C3orf70: variants seen among roughly 807,000 people sequenced by gnomAD.
C3orf70 encodes chromosome 3 open reading frame 70.
C3orf70 carries 15 observed loss-of-function variants against 20.7 expected under a neutral mutation model. The observed-to-expected ratio is 0.72, with a 90% confidence interval of 0.48 to 1.11. The LOEUF (loss-of-function observed/expected upper bound fraction) is 1.11. Ranked by LOEUF, C3orf70 falls within the 50% of genes most tolerant of loss-of-function variation. The pLI, the probability that C3orf70 is intolerant of heterozygous loss-of-function variation, is 0.00. For synonymous variants in C3orf70, 161 were observed against 125.7 expected, an observed-to-expected ratio of 1.28 and a Z score of -1.88; for missense variants, 332 against 317.6, an observed-to-expected ratio of 1.05 and a Z score of -0.34.
chr3:185,090,027 T>C (rs898703057), intron 1 of C3orf70, among the ~76,000 whole-genome samples: 2 of 152,234 alleles, frequency 1.3e-5, no homozygotes, highest in African/African-American at 4.8e-5. Context: ...GTTATTACAT[T>C]CTCAAACTCT....
At chr3:185,114,817 C>T (rs980397647) in intron 1 of C3orf70, among the ~76,000 whole-genome samples, 12 of 152,126 alleles carry the variant, frequency 7.9e-5, no homozygotes, top group Non-Finnish European at 1.5e-4. Context: ...GATCTCCAGA[C>T]GTAAGACTAT....
At chr3:185,121,305 C>T (rs1447842506) in intron 1 of C3orf70, among the ~76,000 whole-genome samples, 1 of 149,946 alleles carries the variant, frequency 6.7e-6, no homozygotes, top group African/African-American at 2.5e-5. Flanking sequence ...ACGGGTTCAC[C>T]AAAATCTCAC....
At position 185,152,753 on chromosome 3, in the gene C3orf70, A is replaced by G; in HGVS notation, c.71T>C (p.Leu24Pro). The G allele has an allele frequency of 6.3e-7, 1 of 1,594,298 alleles. No individual in the cohort carries two copies. The highest frequency in any genetic ancestry group is 2.4e-5 in the East Asian group (1 of 42,230). The change falls in exon 1 of 2, where the codon CTG (leucine) becomes CCG (proline). Residue 24 changes from leucine to proline, a missense_variant. Transcript: ENST00000335012. The part of the protein sequence containing the change: ...KSEKLDEAQA[L>P]ARSCAARRPD... ...TCTGCGGGCGGCGCAACTCCGCGCC[A>G]GGGCCTGAGCCTCATCTAGTTTCTC... is the stretch of plus-strand genomic sequence containing the variant.
intron 1 of C3orf70, among the ~76,000 whole-genome samples, chr3:185,123,993 G>A (rs762861384): frequency 1.3e-5 from 2 of 152,058 alleles, no homozygotes; most frequent in Admixed American, 6.6e-5. Flanking sequence ...GAAAATATTC[G>A]GGGAAAAACT....
rs779782133 is a variant in C3orf70, at chr3:185,152,615, C to T, written c.196+13G>A. On this transcript the variant is annotated intron_variant, in intron 1 of 1. Transcript: ENST00000335012. ...GACCGCGGCGGAAGGCGGGAAGACG[C>T]GGCTCGACTTACAGTGACACCATCC... The T allele has an allele frequency of 1.9e-6, 3 of 1,543,116 alleles. No homozygotes were observed. The Admixed American group carries it at 5.7e-5, about 29-fold the overall frequency.
At chr3:185,089,891 TA>T (rs1212470846) in intron 1 of C3orf70, among the ~76,000 whole-genome samples, 1 of 152,246 alleles carries the variant, frequency 6.6e-6, no homozygotes, top group African/African-American at 2.4e-5. Flanking sequence ...TTTTGATTCA[TA>T]ATATTTATGA....
chr3:185,116,840 G>A (rs868464793), intron 1 of C3orf70, among the ~76,000 whole-genome samples: 4 of 150,978 alleles, frequency 2.6e-5, no homozygotes, highest in Non-Finnish European at 5.9e-5. Context: ...GTGCAGTGGC[G>A]CAATCTCGGC....
At position 185,152,725 on chromosome 3, in the gene C3orf70, G is replaced by A. The variant is rs754554934; in HGVS notation, c.99C>T (p.Pro33=). Residue 33 remains proline, a synonymous_variant, in exon 1 of 2, where the codon CCC becomes CCT. Transcript: ENST00000335012. ...ALARSCAARR[P]DFQPCDGLSI... is the part of the protein sequence containing the mutation. The stretch of plus-strand genomic sequence containing the variant: ...ACAGCCCGTCGCACGGCTGGAAGTC[G>A]GGTCTGCGGGCGGCGCAACTCCGCG... 6.3e-7 allele frequency: 1 copy of A among 1,593,508 alleles called. No individual in the cohort carries two copies. Among genetic ancestry groups the A allele is most frequent in the Non-Finnish European group, 8.5e-7 (1 of 1,170,694 alleles).
chr3:185,097,236 T>C (rs184994838), intron 1 of C3orf70, among the ~76,000 whole-genome samples: 4 of 152,330 alleles, frequency 2.6e-5, no homozygotes, highest in Admixed American at 2.6e-4. Flanking sequence ...ACTAATAAGA[T>C]AATAAATGTC....
At chr3:185,096,913 G>A (rs926350259) in intron 1 of C3orf70, among the ~76,000 whole-genome samples, 6 of 152,138 alleles carry the variant, frequency 3.9e-5, no homozygotes, top group Non-Finnish European at 5.9e-5. Flanking sequence ...GTACAACCTG[G>A]GGAAGCAGTG....
intron 1 of C3orf70, among the ~76,000 whole-genome samples, chr3:185,112,900 C>T (rs16859622): frequency 0.18 from 28,118 of 152,062 alleles, 2,988 homozygotes; most frequent in East Asian, 0.42. Flanking sequence ...CCACCAAACT[C>T]TCAGTATACA....
rs1577324401 is a variant in C3orf70, at chr3:185,107,854, T to C, written c.197-24291A>G. On this transcript the variant is annotated intron_variant, in intron 1 of 1. Transcript: ENST00000335012. Reference sequence around the variant, plus strand: ...CTTTAATAGTCATAGACTCTAGATTTGCTAATTTTTTCAACTCAGCATTCA... The same window carrying C: ...CTTTAATAGTCATAGACTCTAGATTCGCTAATTTTTTCAACTCAGCATTCA... Among the ~76,000 whole-genome samples, 12 of 152,328 alleles carry C rather than the reference T, an allele frequency of 7.9e-5. No homozygotes were observed. The South Asian group carries it at 2.5e-3, about 32-fold the overall frequency.
chr3:185,134,729 T>TG (rs1716588424), intron 1 of C3orf70, among the ~76,000 whole-genome samples: 1 of 152,174 alleles, frequency 6.6e-6, no homozygotes, highest in African/African-American at 2.4e-5. Flanking sequence ...GGCTGACAGC[T>TG]GGGGCCAAAG....
At chr3:185,098,737 T>C (rs1469726370) in intron 1 of C3orf70, among the ~76,000 whole-genome samples, 1 of 152,226 alleles carries the variant, frequency 6.6e-6, no homozygotes, top group Non-Finnish European at 1.5e-5. Context: ...GAGGGTGCTT[T>C]GAATGAGATT....
At chr3:185,095,508 G>A (rs1415612133) in intron 1 of C3orf70, among the ~76,000 whole-genome samples, 1 of 152,154 alleles carries the variant, frequency 6.6e-6, no homozygotes, top group African/African-American at 2.4e-5. Flanking sequence ...TTGATAAGGG[G>A]ATGAAAAGTT....
intron 1 of C3orf70, among the ~76,000 whole-genome samples, chr3:185,139,514 C>T (rs147564528): frequency 0.013 from 1,979 of 149,736 alleles, 48 homozygotes; most frequent in African/African-American, 0.045. Context: ...GATCATACCA[C>T]TGCACTCCAG....
chr3:185,141,783 G>C (rs1345103653), intron 1 of C3orf70, among the ~76,000 whole-genome samples: 2 of 147,484 alleles, frequency 1.4e-5, no homozygotes, highest in African/African-American at 5.0e-5. Context: ...CAAGTATGCA[G>C]TGGGGAAATG....
At chr3:185,141,080 C>T (rs925178159) in intron 1 of C3orf70, among the ~76,000 whole-genome samples, 7 of 152,116 alleles carry the variant, frequency 4.6e-5, no homozygotes, top group African/African-American at 1.7e-4. Context: ...GAAGACAACC[C>T]TTCCCAGAAC....
Position 185,082,812 on chromosome 3 carries a change from CTG to C in C3orf70, c.*193_*194del, listed in dbSNP as rs908404535. 5 of 576,010 alleles carry C rather than the reference CTG, an allele frequency of 8.7e-6. No homozygotes were observed. The highest frequency in any genetic ancestry group is 3.7e-5 in the African/African-American group (2 of 53,524). 35.7% of individuals were successfully genotyped at this position (576,010 alleles called of 1,614,324 possible). A position where few individuals can be genotyped will look rare whatever the true frequency, so the allele number is the denominator to read the frequency against. ...AAGTAAGTCAGGATACAAAAGAAAA[CTG>C]TTTATAATAAAAAGAATGTCTTAGT... On this transcript the variant is annotated 3_prime_UTR_variant, in exon 2 of 2. Transcript: ENST00000335012.
Sources: gnomAD v4.1 joint callset for allele counts (sites outside exome capture counted in the v4.1 genomes callset) on GRCh38, gnomAD v4.1.1 for gene constraint, MANE v1.5 for transcripts, NCBI Gene and HGNC (gene_info 2026-07-23, HGNC 2026-07-21) for gene names.